The following PIK3CB variants were observed in gnomAD, a reference collection of about 807,000 sequenced individuals.
The protein encoded by PIK3CB is phosphatidylinositol-4,5-bisphosphate 3-kinase catalytic subunit beta, also known as phosphatidylinositol 4,5-bisphosphate 3-kinase catalytic subunit beta isoform.
In PIK3CB, 39 loss-of-function variants were observed where a neutral mutation model predicts 136.8. The observed-to-expected ratio is 0.29, with a 90% confidence interval of 0.22 to 0.37. The LOEUF is 0.37. Ranked by LOEUF, PIK3CB falls within the 10% of genes least tolerant of loss-of-function variation. PIK3CB has a pLI of 1.00. For missense variants in PIK3CB, 868 were observed against 1,275.4 expected, an observed-to-expected ratio of 0.68 and a Z score of 4.87; for synonymous variants, 428 against 436.6, an observed-to-expected ratio of 0.98 and a Z score of 0.25.
At chr3:138,709,057 A>T (rs1386229592) in intron 10 of PIK3CB, among the ~76,000 whole-genome samples, 1 of 151,724 alleles carries the variant, frequency 6.6e-6, no homozygotes, top group Non-Finnish European at 1.5e-5. Flanking sequence ...CATTGGGATT[A>T]TACATGTGAA....
At chr3:138,776,689 C>T (rs1175106435) in intron 2 of PIK3CB, among the ~76,000 whole-genome samples, 3 of 151,702 alleles carry the variant, frequency 2.0e-5, no homozygotes, top group African/African-American at 4.9e-5. Flanking sequence ...GAGTGAGACC[C>T]TGTCTCAAAA....
chr3:138,763,813 C>CAAA (rs1383525029), intron 2 of PIK3CB, among the ~76,000 whole-genome samples: 1 of 152,096 alleles, frequency 6.6e-6, no homozygotes, highest in Non-Finnish European at 1.5e-5. Flanking sequence ...AAGGTAGATA[C>CAAA]AAAAATTTCT....
intron 5 of PIK3CB, among the ~76,000 whole-genome samples, chr3:138,742,183 T>A (rs2045259285): frequency 6.6e-6 from 1 of 152,236 alleles, no homozygotes; most frequent in African/African-American, 2.4e-5. Flanking sequence ...GGACCAGGTT[T>A]GGCAAACAAC....
intron 16 of PIK3CB, 50 bp downstream of exon 16, chr3:138,688,825 A>T (rs2043949428): frequency 9.0e-7 from 1 of 1,106,486 alleles, no homozygotes; most frequent in Non-Finnish European, 1.4e-6. Context: ...CATGCTTTAA[A>T]CGTTGTCTGT....
intron 11 of PIK3CB, among the ~76,000 whole-genome samples, chr3:138,704,942 A>G (rs1463517687): frequency 6.6e-6 from 1 of 151,850 alleles, no homozygotes; most frequent in African/African-American, 2.4e-5. Flanking sequence ...ATCAATAAGC[A>G]TATACTTATT....
chr3:138,704,565 T>A, intron 11 of PIK3CB, 72 bp from the exon 12 acceptor site: 1 of 955,034 alleles, frequency 1.0e-6, no homozygotes. Flanking sequence ...AATGACTACA[T>A]TTGTACTTAG....
At chr3:138,788,605 C>A (rs1232798261) in intron 2 of PIK3CB, among the ~76,000 whole-genome samples, 1 of 133,514 alleles carries the variant, frequency 7.5e-6, no homozygotes, top group South Asian at 2.4e-4. Context: ...TGCAGTGAGC[C>A]GAGATCATGC....
intron 1 of PIK3CB, among the ~76,000 whole-genome samples, chr3:138,806,703 CA>C (rs2046238248): frequency 6.6e-6 from 1 of 152,064 alleles, no homozygotes; most frequent in South Asian, 2.1e-4. Context: ...CTGGAATGGC[CA>C]GCAGCAAAAT....
intron 1 of PIK3CB, among the ~76,000 whole-genome samples, chr3:138,797,444 C>A (rs1420293437): frequency 6.6e-6 from 1 of 152,128 alleles, no homozygotes. Flanking sequence ...ATGAAGCCAG[C>A]CCTGGTCACG....
chr3:138,818,856 A>G (rs1354793596), intron 1 of PIK3CB, among the ~76,000 whole-genome samples: 1 of 152,220 alleles, frequency 6.6e-6, no homozygotes, highest in Non-Finnish European at 1.5e-5. Context: ...TATGTTATAT[A>G]GAGTCTTAAC....
chr3:138,700,859 G>T (rs1268731634), intron 12 of PIK3CB, among the ~76,000 whole-genome samples: 1 of 152,202 alleles, frequency 6.6e-6, no homozygotes, highest in African/African-American at 2.4e-5. Context: ...ATTCAAGGAA[G>T]ATGTATTAGT....
chr3:138,763,141 T>TGTATGTATGTATGTATGTAC (rs2045685942), intron 2 of PIK3CB, among the ~76,000 whole-genome samples: 1 of 151,930 alleles, frequency 6.6e-6, no homozygotes, highest in Non-Finnish European at 1.5e-5. Context: ...TATGTATGTA[T>TGTATGTATGTATGTATGTAC]GTATGTATTT....
chr3:138,785,825 TAAAAAAA>T (rs1039124528), intron 2 of PIK3CB, among the ~76,000 whole-genome samples: 8 of 117,220 alleles, frequency 6.8e-5, no homozygotes, highest in Middle Eastern at 4.3e-3. Context: ...AATAAATACT[TAAAAAAA>T]AAAAAAAAAG....
chr3:138,801,425 T>A (rs1576421258), intron 1 of PIK3CB, among the ~76,000 whole-genome samples: 1 of 152,162 alleles, frequency 6.6e-6, no homozygotes, highest in South Asian at 2.1e-4. Flanking sequence ...AGAATAGGTA[T>A]GTTTATAGTT....
intron 8 of PIK3CB, among the ~76,000 whole-genome samples, chr3:138,727,938 A>G (rs2044876233): frequency 6.6e-6 from 1 of 151,656 alleles, no homozygotes; most frequent in African/African-American, 2.4e-5. Flanking sequence ...GCTCACTGCA[A>G]CCTCCGCCTC....
chr3:138,754,805 A>G (rs1037128975), intron 4 of PIK3CB, among the ~76,000 whole-genome samples: 4 of 152,182 alleles, frequency 2.6e-5, no homozygotes, highest in African/African-American at 4.8e-5. Context: ...ATATTATCCT[A>G]TAACAGTGAA....
At chr3:138,677,079 T>C (rs188519772) in intron 19 of PIK3CB, among the ~76,000 whole-genome samples, 1 of 143,332 alleles carries the variant, frequency 7.0e-6, no homozygotes, top group Non-Finnish European at 1.5e-5. Context: ...TTTTTTGAGA[T>C]GGAGCTTCGC....
intron 8 of PIK3CB, among the ~76,000 whole-genome samples, chr3:138,715,327 C>T (rs960673769): frequency 1.3e-5 from 2 of 152,186 alleles, no homozygotes; most frequent in Non-Finnish European, 2.9e-5. Flanking sequence ...GACAATTTTA[C>T]TCATTTGCAG....
In PIK3CB at chr3:138,718,349, G is replaced by A. The variant is rs540087408; in HGVS notation, c.1051-3630C>T. Among the ~76,000 whole-genome samples the A allele has an allele frequency of 2.0e-5, 3 of 152,050 alleles. No individual in the cohort carries two copies. In the East Asian group the frequency reaches 5.8e-4, roughly 29 times the overall value. On this transcript the variant is annotated intron_variant, in intron 8 of 23. Coordinates refer to ENST00000674063, the MANE Select transcript of PIK3CB (RefSeq NM_006219.3). The stretch of plus-strand genomic sequence containing the variant: ...CTTCTTTTGAAAAGTGTCTGTTCAT[G>A]TCATTTGCCCACTTTTAATGTTTTT...
Sources: allele counts gnomAD v4.1 joint callset (sites outside exome capture counted in the v4.1 genomes callset), GRCh38; gene constraint gnomAD v4.1.1; transcripts MANE v1.5; gene names NCBI Gene and HGNC (gene_info 2026-07-23, HGNC 2026-07-21).